SYN3: variants seen among roughly 807,000 people sequenced by gnomAD.
SYN3 encodes synapsin III.
A neutral mutation model predicts 65.8 loss-of-function variants in SYN3; 35 were observed. The ratio of observed to expected loss-of-function variants is 0.53; its 90% CI spans 0.41 to 0.70. The LOEUF (loss-of-function observed/expected upper bound fraction) is 0.70, where lower values mean the gene tolerates loss of function less well. SYN3 is among the 30% of genes least tolerant of loss of function. The pLI, the probability that SYN3 is intolerant of heterozygous loss-of-function variation, is 0.00. For missense variants in SYN3, 680 were observed against 749.0 expected (o/e 0.91, Z 1.08); for synonymous variants, 270 against 292.9 (o/e 0.92, Z 0.80).
intron 3 of SYN3, among the ~76,000 whole-genome samples, chr22:32,952,230 C>T (rs918389705): frequency 1.3e-4 from 20 of 150,966 alleles, no homozygotes; most frequent in African/African-American, 4.2e-4. Context: ...CATAGCATGC[C>T]TGTGTGTGTG....
At chr22:32,853,317 G>A (rs747492019) in intron 6 of SYN3, among the ~76,000 whole-genome samples, 9 of 152,158 alleles carry the variant, frequency 5.9e-5, no homozygotes, top group Non-Finnish European at 1.2e-4. Context: ...GTGATAGCTC[G>A]GTCGGTCTGT....
At chr22:32,597,204 C>CTTTTTTTTTTT (rs6147592) in intron 6 of SYN3, among the ~76,000 whole-genome samples, 1 of 87,372 alleles carries the variant, frequency 1.1e-5, no homozygotes, top group Admixed American at 1.7e-4. Flanking sequence ...ACATTATTCT[C>CTTTTTTTTTTT]TTTTTTTTTT....
chr22:32,569,801 TCA>T (rs2058735063), intron 7 of SYN3, among the ~76,000 whole-genome samples: 1 of 152,116 alleles, frequency 6.6e-6, no homozygotes, highest in African/African-American at 2.4e-5. Context: ...AGTACCTGCT[TCA>T]CAGAGTTACT....
intron 6 of SYN3, among the ~76,000 whole-genome samples, chr22:32,718,847 G>A (rs1177642620): frequency 2.6e-5 from 4 of 152,084 alleles, no homozygotes; most frequent in East Asian, 1.9e-4. Flanking sequence ...CTTACCTACC[G>A]GCACCCAGCG....
At chr22:32,852,131 T>C (rs1171008362) in intron 6 of SYN3, among the ~76,000 whole-genome samples, 1 of 152,216 alleles carries the variant, frequency 6.6e-6, no homozygotes, top group Non-Finnish European at 1.5e-5. Context: ...GTAAAATAGA[T>C]AACACCTTGT....
At chr22:33,050,392 A>C (rs2054143583) in intron 1 of SYN3, among the ~76,000 whole-genome samples, 1 of 149,982 alleles carries the variant, frequency 6.7e-6, no homozygotes, top group South Asian at 2.1e-4. Context: ...CTGAGACATG[A>C]GAATCTCTGA....
chr22:32,974,976 T>C (rs2052139145), intron 3 of SYN3, among the ~76,000 whole-genome samples: 1 of 152,198 alleles, frequency 6.6e-6, no homozygotes, highest in Non-Finnish European at 1.5e-5. Flanking sequence ...TATCTTACTC[T>C]GGAGCCACGA....
intron 6 of SYN3, among the ~76,000 whole-genome samples, chr22:32,734,871 G>C (rs1026116335): frequency 2.6e-5 from 4 of 152,140 alleles, no homozygotes; most frequent in Non-Finnish European, 5.9e-5. Flanking sequence ...CCAATTCAAT[G>C]TTGCTTCTCA....
intron 7 of SYN3, among the ~76,000 whole-genome samples, chr22:32,565,048 CT>C (rs2058651275): frequency 6.7e-6 from 1 of 149,912 alleles, no homozygotes; most frequent in Admixed American, 6.6e-5. Flanking sequence ...AAACAGTGAT[CT>C]CAGACTGCAC....
intron 6 of SYN3, among the ~76,000 whole-genome samples, chr22:32,728,720 TCA>T (rs1369131740): frequency 6.6e-6 from 1 of 152,202 alleles, no homozygotes; most frequent in African/African-American, 2.4e-5. Flanking sequence ...AAACTGAGAC[TCA>T]GTCTTGTTGG....
intron 6 of SYN3, among the ~76,000 whole-genome samples, chr22:32,664,137 G>C (rs2060256693): frequency 6.6e-6 from 1 of 152,218 alleles, no homozygotes; most frequent in African/African-American, 2.4e-5. Flanking sequence ...CAGGGAGCAA[G>C]TAGATAAACC....
At chr22:32,757,321 G>C (rs780460349) in intron 6 of SYN3, among the ~76,000 whole-genome samples, 63 of 143,296 alleles carry the variant, frequency 4.4e-4, no homozygotes, top group Non-Finnish European at 8.3e-4. Context: ...TTTTGAGGTG[G>C]AGTTTTGCTC....
chr22:32,784,218 T>C (rs130548), intron 6 of SYN3, among the ~76,000 whole-genome samples: 25,624 of 152,076 alleles, frequency 0.17, 2,679 homozygotes, highest in East Asian at 0.35. Flanking sequence ...CCACCTTGAG[T>C]GATGGTGGGG....
intron 6 of SYN3, among the ~76,000 whole-genome samples, chr22:32,863,605 C>T (rs982330438): frequency 3.3e-5 from 5 of 152,160 alleles, no homozygotes; most frequent in African/African-American, 7.2e-5. Context: ...GCAGACCCCT[C>T]GCCTGACTTT....
intron 6 of SYN3, among the ~76,000 whole-genome samples, chr22:32,694,729 A>G (rs1224108662): frequency 6.6e-6 from 1 of 152,182 alleles, no homozygotes; most frequent in East Asian, 1.9e-4. Flanking sequence ...GGGATCCTAG[A>G]ACCAATCCTC....
chr22:32,913,523 G>A (rs2050110189), intron 4 of SYN3, among the ~76,000 whole-genome samples: 1 of 151,778 alleles, frequency 6.6e-6, no homozygotes, highest in Non-Finnish European at 1.5e-5. Context: ...GTGTAGAGAA[G>A]AGATTGGGGG....
At chr22:32,700,192 G>A (rs35928633) in intron 6 of SYN3, among the ~76,000 whole-genome samples, 6,349 of 152,152 alleles carry the variant, frequency 0.042, 222 homozygotes, top group Non-Finnish European at 0.058. Flanking sequence ...GTTAACTCAG[G>A]GATTGACTAT....
rs368236821 is a variant in SYN3 at position 32,644,101 on chromosome 22, A to AAAAAAAAGAG, written c.712-47366_712-47365insCTCTTTTTTT. Among the ~76,000 whole-genome samples the AAAAAAAAGAG allele has an allele frequency of 8.4e-4, 60 of 71,226 alleles. 18 individuals carry two copies. Among genetic ancestry groups the AAAAAAAAGAG allele is most frequent in the African/African-American group, 2.0e-3 (36 of 18,348 alleles). 46.7% of individuals were successfully genotyped at this position (71,226 alleles called of 152,430 possible). A position where few individuals can be genotyped will look rare whatever the true frequency, so the allele number is the denominator to read the frequency against. Reference sequence around the variant, plus strand: ...AAAAAAAAAAAAAAAAAAAAAAAAAAAGCGACAAGACTGACTGATGATGGG... The same window carrying AAAAAAAAGAG: ...AAAAAAAAAAAAAAAAAAAAAAAAAAAAAAAAAGAGAGCGACAAGACTGACTGATGATGGG... On this transcript the variant is annotated intron_variant, in intron 6 of 13. Coordinates refer to ENST00000358763, the MANE Select transcript of SYN3 (RefSeq NM_003490.4).
chr22:32,578,174 TTCTTTCTTTC>T (rs1221788853), intron 7 of SYN3, among the ~76,000 whole-genome samples: 3 of 148,000 alleles, frequency 2.0e-5, no homozygotes, highest in Admixed American at 1.4e-4. Flanking sequence ...TCCTTTTCTT[TTCTTTCTTTC>T]TCTTTCTTTC....
Sources: gnomAD v4.1 joint callset for allele counts (sites outside exome capture counted in the v4.1 genomes callset) on GRCh38, gnomAD v4.1.1 for gene constraint, MANE v1.5 for transcripts, NCBI Gene and HGNC (gene_info 2026-07-23, HGNC 2026-07-21) for gene names.